Variants in PIBF1 observed in about 807,000 individuals in gnomAD.
The protein encoded by PIBF1 is progesterone immunomodulatory binding factor 1, also known as progesterone-induced-blocking factor 1.
A neutral mutation model predicts 112.5 loss-of-function variants in PIBF1; 90 were observed. That is an observed-to-expected ratio of 0.80 (90% CI 0.67 to 0.95). The LOEUF is 0.95. Ranked by LOEUF, PIBF1 falls within the 40% of genes least tolerant of loss-of-function variation. The pLI is 0.00. For synonymous variants in PIBF1, 301 were observed against 288.6 expected (o/e 1.04, Z -0.44); for missense variants, 915 against 852.3 (o/e 1.07, Z -0.92).
chr13:72,867,017 TG>T, intron 10 of PIBF1, among the ~76,000 whole-genome samples: 1 of 152,222 alleles, frequency 6.6e-6, no homozygotes, highest in African/African-American at 2.4e-5. Flanking sequence ...TATAAGTCTG[TG>T]CTTCATACAG....
chr13:72,887,929 C>G (rs1254318735), intron 10 of PIBF1, among the ~76,000 whole-genome samples: 1 of 152,046 alleles, frequency 6.6e-6, no homozygotes, highest in Non-Finnish European at 1.5e-5. Context: ...AATAAGAATA[C>G]CCTCCACCAA....
At chr13:72,836,600 A>T (rs1000281371) in intron 9 of PIBF1, among the ~76,000 whole-genome samples, 3 of 152,174 alleles carry the variant, frequency 2.0e-5, no homozygotes, top group Admixed American at 2.0e-4. Flanking sequence ...AATTACTGTT[A>T]AATTGTTATT....
intron 14 of PIBF1, among the ~76,000 whole-genome samples, chr13:72,942,693 T>G (rs2042045640): frequency 6.6e-6 from 1 of 152,198 alleles, no homozygotes; most frequent in Admixed American, 6.6e-5. Flanking sequence ...GTTTGTCTGT[T>G]TGTTGATATT....
chr13:72,855,159 G>T (rs1008590105), intron 10 of PIBF1, among the ~76,000 whole-genome samples: 3 of 151,998 alleles, frequency 2.0e-5, no homozygotes, highest in Non-Finnish European at 2.9e-5. Context: ...TCTTTTAATT[G>T]TTAAATGAAG....
chr13:72,830,186 G>A lies in PIBF1; in HGVS notation c.1097+2272G>A, dbSNP rs139228856. ...TAAGGAGATTTTGGGCTGAGACAATGGGGTTTTCTAAATATACAATCATGT... is the reference window on the plus strand; with the variant it reads ...TAAGGAGATTTTGGGCTGAGACAATAGGGTTTTCTAAATATACAATCATGT... On this transcript the variant is annotated intron_variant, in intron 8 of 17. Coordinates refer to ENST00000326291, the MANE Select transcript of PIBF1 (RefSeq NM_006346.4). 1.8e-3 allele frequency among the ~76,000 whole-genome samples: 271 copies of A among 152,288 alleles called. 6 individuals carry two copies. In the East Asian group the frequency reaches 0.049, roughly 27 times the overall value.
chr13:72,900,076 A>G (rs2040426777), intron 11 of PIBF1, among the ~76,000 whole-genome samples: 2 of 152,330 alleles, frequency 1.3e-5, no homozygotes, highest in South Asian at 2.1e-4. Context: ...AAGGAAAACT[A>G]CAAAACACTG....
chr13:72,898,889 A>G (rs950288858), intron 11 of PIBF1, among the ~76,000 whole-genome samples: 8 of 151,972 alleles, frequency 5.3e-5, no homozygotes, highest in East Asian at 1.9e-4. Flanking sequence ...TAACAAGATT[A>G]ACCAAGAAAA....
chr13:72,942,079 C>T (rs745851827), intron 14 of PIBF1, among the ~76,000 whole-genome samples: 10 of 152,058 alleles, frequency 6.6e-5, no homozygotes, highest in Non-Finnish European at 1.3e-4. Context: ...CTAACAACTG[C>T]TAGGAGTGTT....
chr13:72,963,282 A>T lies in PIBF1; in HGVS notation c.1834-1992A>T, dbSNP rs189908888. Among the ~76,000 whole-genome samples, 631 of 152,344 alleles carry T rather than the reference A, an allele frequency of 4.1e-3. 1 individual carries two copies. The highest frequency in any genetic ancestry group is 7.5e-3 in the Non-Finnish European group (511 of 68,028). On this transcript the variant is annotated intron_variant, in intron 14 of 17. Transcript: ENST00000326291. ...AATAGATAAATTGAATTTCCTAATT[A>T]TAAAAAATTGTGAGTTAAAGGAGAT...
intron 15 of PIBF1, among the ~76,000 whole-genome samples, chr13:72,972,006 T>TTATG (rs2042905355): frequency 2.6e-5 from 1 of 38,086 alleles, no homozygotes; most frequent in East Asian, 7.4e-4. Context: ...TGGCTTTCAT[T>TTATG]TATTTATTTA....
chr13:72,783,805 CTG>C, intron 2 of PIBF1, 84 bp downstream of exon 2: 1 of 1,189,004 alleles, frequency 8.4e-7, no homozygotes, highest in East Asian at 2.3e-5. Context: ...CACACATTAT[CTG>C]AACTTGAAAT....
At chr13:72,803,338 T>C (rs1593922702) in intron 5 of PIBF1, among the ~76,000 whole-genome samples, 1 of 152,076 alleles carries the variant, frequency 6.6e-6, no homozygotes, top group African/African-American at 2.4e-5. Context: ...ATTTTCTCAT[T>C]GTCGACAACG....
intron 13 of PIBF1, among the ~76,000 whole-genome samples, chr13:72,920,237 T>C (rs1413433682): frequency 6.6e-6 from 1 of 152,258 alleles, no homozygotes; most frequent in Non-Finnish European, 1.5e-5. Flanking sequence ...CTTGAACATG[T>C]GCCTAATGGG....
chr13:72,973,449 G>C, intron 15 of PIBF1, 142 bp from the exon 16 acceptor site: 2 of 468,902 alleles, frequency 4.3e-6, no homozygotes, highest in Non-Finnish European at 7.6e-6. Context: ...CATTTTAGTG[G>C]CTGGTCTGGA....
chr13:72,911,158 C>T (rs1023053515), intron 12 of PIBF1, among the ~76,000 whole-genome samples: 16 of 152,028 alleles, frequency 1.1e-4, no homozygotes, highest in Non-Finnish European at 7.4e-5. Flanking sequence ...CACTGCACTC[C>T]AGCCTGGGCA....
intron 10 of PIBF1, among the ~76,000 whole-genome samples, chr13:72,871,613 C>G (rs1594095271): frequency 6.6e-6 from 1 of 152,142 alleles, no homozygotes; most frequent in African/African-American, 2.4e-5. Context: ...CTCAAGTGAT[C>G]TTTCTCTAAA....
intron 15 of PIBF1, chr13:72,969,802 T>C (rs1473700401): frequency 6.6e-6 from 1 of 152,192 alleles, no homozygotes; most frequent in Non-Finnish European, 1.5e-5. Context: ...GAAGGGGTAG[T>C]TGTGAAAATT....
intron 10 of PIBF1, among the ~76,000 whole-genome samples, chr13:72,871,547 A>G (rs1594095102): frequency 6.6e-6 from 1 of 152,140 alleles, no homozygotes; most frequent in East Asian, 1.9e-4. Context: ...CTTGTGATCC[A>G]CCTGCCTCGG....
intron 5 of PIBF1, among the ~76,000 whole-genome samples, chr13:72,820,607 T>C (rs1437460038): frequency 6.6e-6 from 1 of 152,158 alleles, no homozygotes; most frequent in Non-Finnish European, 1.5e-5. Context: ...TTACATTTAG[T>C]AGTTTAAAAA....
Sources: gnomAD v4.1 joint callset for allele counts (sites outside exome capture counted in the v4.1 genomes callset) on GRCh38, gnomAD v4.1.1 for gene constraint, MANE v1.5 for transcripts, NCBI Gene and HGNC (gene_info 2026-07-23, HGNC 2026-07-21) for gene names.